DEK: variants seen among roughly 807,000 people sequenced by gnomAD.
The protein encoded by DEK is protein DEK.
Under a neutral mutation model 46.8 loss-of-function variants are expected in DEK, and 28 were observed. The ratio of observed to expected loss-of-function variants is 0.60; its 90% CI spans 0.44 to 0.82. The LOEUF (loss-of-function observed/expected upper bound fraction) is 0.82. DEK is among the 40% of genes least tolerant of loss of function. The pLI is 0.00. For missense variants in DEK, 416 were observed against 430.6 expected, an observed-to-expected ratio of 0.97 and a Z score of 0.30; for synonymous variants, 160 against 144.5, an observed-to-expected ratio of 1.11 and a Z score of -0.77.
At chr6:18,256,310 A>T (rs189724478) in intron 5 of DEK, 51 bp downstream of exon 5, 1 of 1,484,650 alleles carries the variant, frequency 6.7e-7, no homozygotes, top group Non-Finnish European at 9.2e-7. Flanking sequence ...ACATTAAAAA[A>T]TAAACTTAAA....
chr6:18,251,050 T>C (rs1791356291), intron 6 of DEK, among the ~76,000 whole-genome samples: 2 of 152,190 alleles, frequency 1.3e-5, no homozygotes, highest in African/African-American at 4.8e-5. Context: ...TTGATTACAG[T>C]AAACAATAAA....
intron 6 of DEK, among the ~76,000 whole-genome samples, chr6:18,251,162 T>C (rs1791359480): frequency 6.6e-6 from 1 of 152,220 alleles, no homozygotes; most frequent in African/African-American, 2.4e-5. Context: ...CATTACAGAA[T>C]TAATATTTAT....
At chr6:18,226,819 T>G (rs528720599) in intron 9 of DEK, among the ~76,000 whole-genome samples, 2 of 152,234 alleles carry the variant, frequency 1.3e-5, no homozygotes, top group African/African-American at 4.8e-5. Context: ...TAGAAAGAAG[T>G]AGACCACAGG....
chr6:18,233,758 C>G (rs1416814655), intron 9 of DEK, among the ~76,000 whole-genome samples: 2 of 139,378 alleles, frequency 1.4e-5, no homozygotes, highest in Non-Finnish European at 3.1e-5. Flanking sequence ...GGGACTTTAA[C>G]TAGTTCAACC....
chr6:18,240,673 A>C (rs111747314), intron 7 of DEK, among the ~76,000 whole-genome samples: 57 of 152,344 alleles, frequency 3.7e-4, no homozygotes, highest in African/African-American at 1.2e-3. Context: ...TGTTTTCAAA[A>C]AGCAGGGTGC....
At chr6:18,264,251 T>C (rs1792012005) in intron 1 of DEK, 134 bp downstream of exon 1, 2 of 243,472 alleles carry the variant, frequency 8.2e-6, no homozygotes, top group South Asian at 1.7e-4. Flanking sequence ...CCTGCGCTGT[T>C]CCCGGCCCGG....
intron 7 of DEK, among the ~76,000 whole-genome samples, chr6:18,248,136 T>A (rs947939403): frequency 2.3e-4 from 35 of 152,248 alleles, no homozygotes; most frequent in African/African-American, 8.4e-4. Flanking sequence ...TCCTTTAATA[T>A]GACCCTATGA....
chr6:18,225,422 C>T lies in DEK; in HGVS notation c.*297G>A. The T allele has an allele frequency of 2.9e-6, 1 of 342,462 alleles. No individual in the cohort carries two copies. The highest frequency in any genetic ancestry group is 5.3e-6 in the Non-Finnish European group (1 of 188,716). The allele number at this position is 342,462 out of a possible 1,614,324, so 21.2% of individuals were successfully genotyped here. A position where few individuals can be genotyped will look rare whatever the true frequency, so the allele number is the denominator to read the frequency against. Reference sequence around the variant, plus strand: ...CTAATATTAAGTGCACTAAAAACCACAACAGCTCAAGAATCTATGACCTTA... The same window carrying T: ...CTAATATTAAGTGCACTAAAAACCATAACAGCTCAAGAATCTATGACCTTA... On this transcript the variant is annotated 3_prime_UTR_variant, in exon 11 of 11. Transcript: ENST00000652689.
intron 1 of DEK, 138 bp downstream of exon 1, chr6:18,264,247 C>T: frequency 3.8e-6 from 1 of 266,240 alleles, no homozygotes. Flanking sequence ...CCGGCCTGCG[C>T]TGTTCCCGGC....
intron 9 of DEK, 73 bp downstream of exon 9, chr6:18,236,379 A>G (rs1790647962): frequency 2.0e-6 from 3 of 1,507,486 alleles, no homozygotes; most frequent in South Asian, 2.4e-5. Context: ...GTAAGTATTT[A>G]GCTTCAAATT....
chr6:18,263,732 C>T lies in DEK; in HGVS notation c.145+111G>A, dbSNP rs965440208. On this transcript the variant is annotated intron_variant, in intron 2 of 10. Coordinates refer to ENST00000652689, the MANE Select transcript of DEK (RefSeq NM_003472.4). ...GCACACATTCTCGCTGAAAATCACT[C>T]CGACTTCACGCCTCTAAACACCAAA... The T allele has an allele frequency of 1.6e-5, 26 of 1,592,466 alleles. 1 individual carries two copies. The highest frequency in any genetic ancestry group is 1.3e-4 in the Admixed American group (7 of 53,646).
At chr6:18,238,373 T>C (rs1429666659) in intron 7 of DEK, among the ~76,000 whole-genome samples, 1 of 152,016 alleles carries the variant, frequency 6.6e-6, no homozygotes, top group East Asian at 1.9e-4. Flanking sequence ...CATAGGTGAT[T>C]AGACACAAAC....
At chr6:18,247,553 T>C (rs192153699) in intron 7 of DEK, among the ~76,000 whole-genome samples, 28 of 152,320 alleles carry the variant, frequency 1.8e-4, no homozygotes, top group Admixed American at 1.8e-3. Context: ...CTTGTGATTA[T>C]TATCCTGGAA....
intron 9 of DEK, among the ~76,000 whole-genome samples, chr6:18,226,466 G>A (rs1217963935): frequency 6.6e-6 from 1 of 152,184 alleles, no homozygotes; most frequent in Non-Finnish European, 1.5e-5. Context: ...TTCAGGCTGA[G>A]AGTCTGGAAT....
intron 7 of DEK, among the ~76,000 whole-genome samples, chr6:18,245,659 C>T (rs929975760): frequency 6.6e-5 from 10 of 152,288 alleles, no homozygotes; most frequent in Admixed American, 3.9e-4. Context: ...TGTACTATTT[C>T]CCCCTTTTTT....
At chr6:18,226,648 T>TG (rs1031246854) in intron 9 of DEK, among the ~76,000 whole-genome samples, 41 of 152,286 alleles carry the variant, frequency 2.7e-4, no homozygotes, top group African/African-American at 9.6e-4. Flanking sequence ...GGCATGGTCA[T>TG]GCATGCCTGT....
At chr6:18,255,227 T>C (rs370743250) in intron 6 of DEK, among the ~76,000 whole-genome samples, 93 of 152,358 alleles carry the variant, frequency 6.1e-4, no homozygotes, top group African/African-American at 2.2e-3. Context: ...CTTCCCTGTC[T>C]GGCTCCTGGG....
Position 18,230,645 on chromosome 6 carries a change from T to C in DEK, c.1048-4403A>G, listed in dbSNP as rs2151077668. 1.3e-5 allele frequency among the ~76,000 whole-genome samples: 2 copies of C among 152,320 alleles called. 1 individual carries two copies. Among genetic ancestry groups the C allele is most frequent in the East Asian group, 3.9e-4 (2 of 5,190 alleles). ...AGAGACAAAGAAGGGCATTACATAA[T>C]GGTAAAGGGATCAATTCAACAAGGA... On this transcript the variant is annotated intron_variant, in intron 9 of 10. Transcript: ENST00000652689.
chr6:18,248,879 C>CA (rs1791238449), intron 7 of DEK, among the ~76,000 whole-genome samples: 1 of 152,126 alleles, frequency 6.6e-6, no homozygotes, highest in Admixed American at 6.5e-5. Flanking sequence ...TGACATTATC[C>CA]AAGTCCCTAA....
Sources: gnomAD v4.1 joint callset for allele counts (sites outside exome capture counted in the v4.1 genomes callset) on GRCh38, gnomAD v4.1.1 for gene constraint, MANE v1.5 for transcripts, NCBI Gene and HGNC (gene_info 2026-07-23, HGNC 2026-07-21) for gene names.